The following HSDL2 variants were observed in gnomAD, a reference collection of about 807,000 sequenced individuals.
HSDL2 encodes the protein hydroxysteroid dehydrogenase-like protein 2.
A neutral mutation model predicts 46.3 loss-of-function variants in HSDL2; 27 were observed. The observed-to-expected ratio is 0.58, with a 90% CI of 0.43 to 0.80. The LOEUF (loss-of-function observed/expected upper bound fraction) is 0.80. Among genes scored for constraint, HSDL2 ranks in the 30% least tolerant of loss-of-function variants. HSDL2 has a pLI of 0.00. For synonymous variants in HSDL2, 153 were observed against 163.6 expected, an observed-to-expected ratio of 0.94 and a Z score of 0.50; for missense variants, 451 against 502.7, an observed-to-expected ratio of 0.90 and a Z score of 0.98.
chr9:112,422,166 GCAT>G lies in HSDL2; in HGVS notation c.598+3212_598+3214del, dbSNP rs541895182. Among the ~76,000 whole-genome samples, 248 of 152,234 alleles carry G rather than the reference GCAT, an allele frequency of 1.6e-3. 4 individuals are homozygous for G. Among genetic ancestry groups the G allele is most frequent in the African/African-American group, 5.8e-3 (240 of 41,552 alleles). On this transcript the variant is annotated intron_variant, in intron 6 of 10. Coordinates refer to ENST00000398805, the MANE Select transcript of HSDL2 (RefSeq NM_032303.5). Reference sequence around the variant, plus strand: ...TAACTTACTACTGCTGGCAAAGCTGGCATCATTTAAACTATCCCGGGCGACAGA... The same window carrying G: ...TAACTTACTACTGCTGGCAAAGCTGGCATTTAAACTATCCCGGGCGACAGA...
chr9:112,468,551 C>T (rs1386680606), intron 10 of HSDL2, among the ~76,000 whole-genome samples: 1 of 152,078 alleles, frequency 6.6e-6, no homozygotes, highest in East Asian at 1.9e-4. Context: ...CTCTCCTTCC[C>T]TGGCATCACT....
At chr9:112,463,155 T>C (rs749379739) in intron 10 of HSDL2, among the ~76,000 whole-genome samples, 2 of 152,232 alleles carry the variant, frequency 1.3e-5, no homozygotes, top group Non-Finnish European at 2.9e-5. Context: ...ATTGCTGCTA[T>C]GAACATTCTC....
At chr9:112,406,511 C>G (rs1831733935) in intron 3 of HSDL2, among the ~76,000 whole-genome samples, 2 of 152,028 alleles carry the variant, frequency 1.3e-5, no homozygotes, top group African/African-American at 4.8e-5. Flanking sequence ...GCTCTTGTCA[C>G]CCAGGCTGGA....
chr9:112,412,098 C>T (rs910528379), intron 4 of HSDL2, among the ~76,000 whole-genome samples: 4 of 152,160 alleles, frequency 2.6e-5, no homozygotes, highest in African/African-American at 9.7e-5. Flanking sequence ...TGAGTGCTGA[C>T]TCGACGCTCA....
chr9:112,412,974 G>A (rs192815643), intron 4 of HSDL2, among the ~76,000 whole-genome samples: 7 of 151,466 alleles, frequency 4.6e-5, no homozygotes, highest in African/African-American at 7.3e-5. Flanking sequence ...TAAAACTCTC[G>A]CACAAAGATT....
chr9:112,457,102 C>T (rs768072162), intron 9 of HSDL2, among the ~76,000 whole-genome samples: 4 of 151,744 alleles, frequency 2.6e-5, no homozygotes, highest in African/African-American at 4.8e-5. Flanking sequence ...GAGCCCAGAT[C>T]GCATCACTGC....
intron 3 of HSDL2, among the ~76,000 whole-genome samples, chr9:112,408,035 G>A (rs1253854427): frequency 1.3e-5 from 2 of 152,018 alleles, no homozygotes; most frequent in Non-Finnish European, 2.9e-5. Context: ...TATTTTTTGT[G>A]TGTGTGTATG....
At position 112,441,765 on chromosome 9, in the gene HSDL2, C is replaced by T; in HGVS notation, c.860C>T (p.Ser287Leu). The T allele has an allele frequency of 1.3e-6, 2 of 1,580,638 alleles. No individual in the cohort carries two copies. Among genetic ancestry groups the T allele is most frequent in the Non-Finnish European group, 1.7e-6 (2 of 1,149,806 alleles). The change falls in exon 8 of 11, where the codon TCA becomes TTA. Residue 287 changes from serine to leucine, a missense_variant. By Grantham distance (145) the Ser-to-Leu change is moderately radical. Transcript: ENST00000398805. Reference sequence around the variant, plus strand: ...GAAGCAGTTAGCAAGAAAGTGGAATCAACTGGTAAGATCTAGACTATATTT... The same window carrying T: ...GAAGCAGTTAGCAAGAAAGTGGAATTAACTGGTAAGATCTAGACTATATTT... ...YPEAVSKKVE[S>L]TGAVPEFKEE...
intron 1 of HSDL2, among the ~76,000 whole-genome samples, chr9:112,397,810 C>T (rs1363776967): frequency 6.6e-6 from 1 of 152,146 alleles, no homozygotes; most frequent in African/African-American, 2.4e-5. Context: ...GTCTGTAATA[C>T]CATTTTAACA....
Position 112,408,931 on chromosome 9 carries a change from C to A in HSDL2, c.305C>A (p.Ala102Asp). ...FGGIDILVNNASAISLTNTLD... is the reference protein window; with the variant it reads ...FGGIDILVNNDSAISLTNTLD... ...GGAATTGATATTCTGGTAAATAATG[C>A]CAGTGCCATTAGTTTGACCAATACA... The change falls in exon 4 of 11, where the codon GCC becomes GAC. Residue 102 changes from alanine to aspartate, a missense_variant. By Grantham distance (126) the Ala-to-Asp change is moderately radical (BLOSUM62 -2). Coordinates refer to ENST00000398805, the MANE Select transcript of HSDL2 (RefSeq NM_032303.5). The A allele has an allele frequency of 6.4e-7, 1 of 1,559,394 alleles. No individual in the cohort carries two copies. Among genetic ancestry groups the A allele is most frequent in the East Asian group, 2.3e-5 (1 of 43,710 alleles).
At position 112,404,143 on chromosome 9, in the gene HSDL2, A is replaced by AGATT; in HGVS notation, c.166_167insGATT (p.Thr56ArgfsTer5). 6.2e-7 allele frequency: 1 copy of AGATT among 1,613,974 alleles called. No homozygotes were observed. Among genetic ancestry groups the AGATT allele is most frequent in the South Asian group, 1.1e-5 (1 of 91,048 alleles). On this transcript the variant is annotated frameshift_variant, in exon 2 of 11. Transcript: ENST00000398805. LOFTEE classifies it high-confidence loss of function. Reference sequence around the variant, plus strand: ...TCCAAAACTTCTAGGCACAATCTATACTGCTGCTGAAGAAAGTGAGTGTGA... The same window carrying AGATT: ...TCCAAAACTTCTAGGCACAATCTATAGATTCTGCTGCTGAAGAAAGTGAGTGTGA...
Position 112,404,039 on chromosome 9 carries a change from G to T in HSDL2, c.62G>T (p.Gly21Val). The part of the protein sequence containing the change: ...CTVFITGASR[G>V]IGKAIALKAA... ...GTTTTTATCACAGGTGCAAGCCGTGGCATTGGCAAAGCTATTGCATTGAAA... is the reference window on the plus strand; with the variant it reads ...GTTTTTATCACAGGTGCAAGCCGTGTCATTGGCAAAGCTATTGCATTGAAA... The change falls in exon 2 of 11, where the codon GGC becomes GTC. Residue 21 changes from glycine to valine, a missense_variant. Gly to Val is a moderately radical substitution (Grantham distance 109, BLOSUM62 -3). Transcript: ENST00000398805. 1 of 1,614,130 alleles carries T rather than the reference G, an allele frequency of 6.2e-7. No individual in the cohort carries two copies. Among genetic ancestry groups the T allele is most frequent in the Non-Finnish European group, 8.5e-7 (1 of 1,179,986 alleles).
In HSDL2 at chr9:112,380,153, C is replaced by A; in HGVS notation, c.-11C>A. ...CGCTGTCGCCGCCACCTCCTCTGAT[C>A]TACGAAAGTCATGTTACCCAACACC... On this transcript the variant is annotated 5_prime_UTR_variant, in exon 1 of 11. Transcript: ENST00000398805. 2 of 1,571,152 alleles carry A rather than the reference C, an allele frequency of 1.3e-6. No individual in the cohort carries two copies. Among genetic ancestry groups the A allele is most frequent in the Non-Finnish European group, 1.7e-6 (2 of 1,157,066 alleles).
At chr9:112,387,734 C>T (rs1831247823) in intron 1 of HSDL2, among the ~76,000 whole-genome samples, 1 of 152,244 alleles carries the variant, frequency 6.6e-6, no homozygotes, top group Non-Finnish European at 1.5e-5. Context: ...TAAAAATTGA[C>T]ATTATAAAGT....
intron 4 of HSDL2, among the ~76,000 whole-genome samples, chr9:112,415,676 A>G (rs1440551156): frequency 6.6e-6 from 1 of 152,152 alleles, no homozygotes; most frequent in African/African-American, 2.4e-5. Flanking sequence ...TATATCAAGG[A>G]TTTGTTTTTT....
chr9:112,421,648 T>C (rs1259627872), intron 6 of HSDL2, among the ~76,000 whole-genome samples: 1 of 152,138 alleles, frequency 6.6e-6, no homozygotes, highest in Non-Finnish European at 1.5e-5. Flanking sequence ...TGATATATCC[T>C]CCTCGGCCTC....
At chr9:112,409,444 G>T (rs1454947589) in intron 4 of HSDL2, among the ~76,000 whole-genome samples, 1 of 152,102 alleles carries the variant, frequency 6.6e-6, no homozygotes, top group African/African-American at 2.4e-5. Context: ...ACCCACCTTG[G>T]CCTCCCAAAG....
At chr9:112,420,212 G>C (rs933452906) in intron 6 of HSDL2, among the ~76,000 whole-genome samples, 1 of 152,112 alleles carries the variant, frequency 6.6e-6, no homozygotes, top group Non-Finnish European at 1.5e-5. Flanking sequence ...TACTTGGGAG[G>C]CTGAGGCATG....
Position 112,416,909 on chromosome 9 carries a change from T to C in HSDL2, c.464T>C (p.Leu155Pro), listed in dbSNP as rs1832008391. Residue 155 changes from leucine to proline, a missense_variant, in exon 5 of 11, where the codon CTG becomes CCG. Physicochemically the swap from Leu to Pro is moderately conservative, Grantham distance 98. Transcript: ENST00000398805. ...CATATCCTCAATATCAGTCCACCACTGAACCTAAATCCAGTTTGGTTCAAA... is the reference window on the plus strand; with the variant it reads ...CATATCCTCAATATCAGTCCACCACCGAACCTAAATCCAGTTTGGTTCAAA... ...VAHILNISPPLNLNPVWFKQH... is the reference protein window; with the variant it reads ...VAHILNISPPPNLNPVWFKQH... The C allele has an allele frequency of 6.2e-7, 1 of 1,603,764 alleles. No homozygotes were observed.
Sources: allele counts gnomAD v4.1 joint callset (sites outside exome capture counted in the v4.1 genomes callset), GRCh38; gene constraint gnomAD v4.1.1; transcripts MANE v1.5; gene names NCBI Gene and HGNC (gene_info 2026-07-23, HGNC 2026-07-21).